RPS24: variants seen among roughly 807,000 people sequenced by gnomAD.
RPS24 encodes the protein ribosomal protein S24.
For synonymous variants in RPS24, 72 were observed against 55.6 expected, an observed-to-expected ratio of 1.30 and a Z score of -1.31; for missense variants, 100 against 162.5, an observed-to-expected ratio of 0.62 and a Z score of 2.09.
At chr10:78,051,712 C>T (rs1248649236) in intron 4 of RPS24, among the ~76,000 whole-genome samples, 1 of 152,216 alleles carries the variant, frequency 6.6e-6, no homozygotes, top group Non-Finnish European at 1.5e-5. Flanking sequence ...TCTCCACATC[C>T]TTCCTGACAC....
rs541127599 is a variant in RPS24, at chr10:78,034,902, C to T, written c.4-450C>T. Among the ~76,000 whole-genome samples, 7 of 152,354 alleles carry T rather than the reference C, an allele frequency of 4.6e-5. No homozygotes were observed. The South Asian group carries it at 1.4e-3, about 32-fold the overall frequency. On this transcript the variant is annotated intron_variant, in intron 1 of 5. Coordinates refer to ENST00000372360, the MANE Select transcript of RPS24 (RefSeq NM_033022.4). ...TGATTCTCAACCCGGAGTGATTTTT[C>T]TCCTAAGGGAACAGTTGGCTAAGTC...
chr10:78,035,844 GAA>G, intron 3 of RPS24, 124 bp downstream of exon 3: 2 of 848,710 alleles, frequency 2.4e-6, no homozygotes, highest in Non-Finnish European at 4.0e-6. Context: ...AGGATTAAGA[GAA>G]AAAGTTATTT....
downstream of RPS24, among the ~76,000 whole-genome samples, chr10:78,043,048 G>A (rs1848003538): frequency 6.6e-6 from 1 of 152,070 alleles, no homozygotes; most frequent in African/African-American, 2.4e-5. Flanking sequence ...CTGTCACCCA[G>A]GCTGGAGTGC....
intron 1 of RPS24, chr10:78,034,122 C>T: frequency 5.9e-6 from 3 of 511,394 alleles, no homozygotes; most frequent in Non-Finnish European, 1.1e-5. Flanking sequence ...CGGGCTCCAG[C>T]GCCTGGGCAG....
At position 78,037,337 on chromosome 10, in the gene RPS24, A is replaced by G. The variant is rs779638079; in HGVS notation, c.390+33A>G. ...TCATTAAGGAAAATATAGAAACGTCATTAATTGTAGGTCTTTAGTTTCTAG... is the reference window on the plus strand; with the variant it reads ...TCATTAAGGAAAATATAGAAACGTCGTTAATTGTAGGTCTTTAGTTTCTAG... On this transcript the variant is annotated intron_variant, in intron 4 of 5. Transcript: ENST00000372360. The G allele has an allele frequency of 4.5e-6, 7 of 1,565,518 alleles. No homozygotes were observed. In the South Asian group the frequency reaches 7.1e-5, roughly 16 times the overall value.
chr10:78,048,833 C>T (rs1848070554), intron 4 of RPS24: 2 of 148,088 alleles, frequency 1.4e-5, no homozygotes, highest in African/African-American at 5.1e-5. Context: ...CGCGATTGCA[C>T]CACTGCACTC....
In RPS24 at chr10:78,052,093, T is replaced by C. The variant is rs1484407666; in HGVS notation, c.391-2438T>C. Among the ~76,000 whole-genome samples the C allele has an allele frequency of 2.0e-5, 3 of 152,168 alleles. No individual in the cohort carries two copies. In the East Asian group the frequency reaches 5.8e-4, roughly 29 times the overall value. ...CAGGCTGGAGTACAGTGGCTTGATCTCGGCTCACTGCAACCTCTGCCTCCC... is the reference window on the plus strand; with the variant it reads ...CAGGCTGGAGTACAGTGGCTTGATCCCGGCTCACTGCAACCTCTGCCTCCC... On this transcript the variant is annotated intron_variant, in intron 4 of 4. Coordinates refer to the RPS24 transcript ENST00000440692.
downstream of RPS24, among the ~76,000 whole-genome samples, chr10:78,041,406 C>T (rs1032776402): frequency 1.3e-5 from 2 of 152,156 alleles, no homozygotes; most frequent in African/African-American, 4.8e-5. Context: ...GTTCTGTTTT[C>T]ATATCTACAG....
chr10:78,045,436 C>T (rs1848033463), downstream of RPS24, among the ~76,000 whole-genome samples: 1 of 152,150 alleles, frequency 6.6e-6, no homozygotes, highest in African/African-American at 2.4e-5. Flanking sequence ...TGTCTGTCTG[C>T]TATCCGGGCT....
In RPS24 at chr10:78,055,248, C is replaced by T. The variant is rs1589337797; in HGVS notation, c.*238C>T. On this transcript the variant is annotated 3_prime_UTR_variant, in exon 5 of 5. Transcript: ENST00000440692. Reference sequence around the variant, plus strand: ...CCACCACCTTCCAGCTCCAGCGGCTCCTACCACATTTAAGGCTTTCCTTCC... The same window carrying T: ...CCACCACCTTCCAGCTCCAGCGGCTTCTACCACATTTAAGGCTTTCCTTCC... The T allele has an allele frequency of 1.1e-5, 5 of 461,452 alleles. No homozygotes were observed. The East Asian group carries it at 1.8e-4, about 16-fold the overall frequency. The allele number at this position is 461,452 out of a possible 1,614,324, so 28.6% of individuals were successfully genotyped here.
chr10:78,041,409 A>G (rs1029454190), downstream of RPS24, among the ~76,000 whole-genome samples: 1 of 152,130 alleles, frequency 6.6e-6, no homozygotes, highest in Non-Finnish European at 1.5e-5. Context: ...CTGTTTTCAT[A>G]TCTACAGAGG....
downstream of RPS24, among the ~76,000 whole-genome samples, chr10:78,043,432 A>C (rs942804872): frequency 1.3e-5 from 2 of 152,100 alleles, no homozygotes; most frequent in Admixed American, 6.5e-5. Context: ...CAGTCATCTG[A>C]CTCCAAAACA....
At chr10:78,054,550 G>A in exon 5 of RPS24, 3 of 1,544,148 alleles carry the variant, frequency 1.9e-6, no homozygotes, top group Non-Finnish European at 2.6e-6. Context: ...TTGGGGCTTG[G>A]AGTGCAAGCA....
chr10:78,034,044 G>A, intron 1 of RPS24, 140 bp downstream of exon 1: 1 of 1,086,444 alleles, frequency 9.2e-7, no homozygotes, highest in Non-Finnish European at 1.4e-6. Flanking sequence ...GGTTGTCGAG[G>A]GGCTCGGGGC....
intron 5 of RPS24, 170 bp from the exon 6 acceptor site, chr10:78,040,441 ATGTT>A (rs1052415852): frequency 1.4e-6 from 1 of 720,452 alleles, no homozygotes; most frequent in South Asian, 1.7e-5. Flanking sequence ...CTTAACTTGA[ATGTT>A]TGTAAATTTT....
chr10:78,052,246 G>A (rs1424156626), intron 4 of RPS24, among the ~76,000 whole-genome samples: 2 of 151,902 alleles, frequency 1.3e-5, no homozygotes, highest in Non-Finnish European at 1.5e-5. Flanking sequence ...GGCTGGTCTC[G>A]GACTCCTGGC....
Position 78,035,335 on chromosome 10 carries a change from A to C in RPS24, c.4-17A>C. 6.2e-7 allele frequency: 1 copy of C among 1,612,748 alleles called. No individual in the cohort carries two copies. ...AAGTTGGAGTAGTTTTATTAACCAG[A>C]GTGTTTATGTTTTCAGAACGACACC... On this transcript the variant is annotated splice_polypyrimidine_tract_variant and intron_variant, in intron 1 of 5. Transcript: ENST00000372360.
downstream of RPS24, among the ~76,000 whole-genome samples, chr10:78,045,674 G>A (rs921707181): frequency 1.3e-5 from 2 of 151,142 alleles, no homozygotes; most frequent in African/African-American, 4.9e-5. Context: ...GTAGAGATGG[G>A]GTTTCACCAT....
rs373801561 is a variant in RPS24 at position 78,033,897 on chromosome 10, C to G, written c.-5C>G. On this transcript the variant is annotated 5_prime_UTR_variant, in exon 1 of 6. Coordinates refer to ENST00000372360, the MANE Select transcript of RPS24 (RefSeq NM_033022.4). Reference sequence around the variant, plus strand: ...TCCTTGGCTGTCTGAAGATAGATCGCCATCATGGTGAGTCTCCCTGGGCCC... The same window carrying G: ...TCCTTGGCTGTCTGAAGATAGATCGGCATCATGGTGAGTCTCCCTGGGCCC... 1.2e-6 allele frequency: 2 copies of G among 1,614,106 alleles called. No individual in the cohort carries two copies. The highest frequency in any genetic ancestry group is 1.7e-5 in the Admixed American group (1 of 60,032).
Sources: gnomAD v4.1 joint callset for allele counts (sites outside exome capture counted in the v4.1 genomes callset) on GRCh38, gnomAD v4.1.1 for gene constraint, MANE v1.5 for transcripts, NCBI Gene and HGNC (gene_info 2026-07-23, HGNC 2026-07-21) for gene names.